XRCC5: variants seen among roughly 807,000 people sequenced by gnomAD.
XRCC5 encodes the protein DNA repair protein Ku80.
A neutral mutation model predicts 95.7 loss-of-function variants in XRCC5; 12 were observed. The observed-to-expected ratio is 0.13, with a 90% CI of 0.08 to 0.20. XRCC5 has a LOEUF of 0.20. XRCC5 is among the 10% of genes least tolerant of loss of function. The pLI, the probability that XRCC5 is intolerant of heterozygous loss-of-function variation, is 1.00. For missense variants in XRCC5, 595 were observed against 873.9 expected (o/e 0.68, Z 4.02); for synonymous variants, 281 against 290.3 (o/e 0.97, Z 0.33).
At chr2:216,173,175 G>T (rs1689203213) in intron 16 of XRCC5, among the ~76,000 whole-genome samples, 1 of 151,972 alleles carries the variant, frequency 6.6e-6, no homozygotes, top group Admixed American at 6.5e-5. Context: ...TGCAAATAAA[G>T]AAAGCTTTAC....
rs770825706 is a variant in XRCC5, at chr2:216,112,996, C to T, written c.22-20C>T. On this transcript the variant is annotated intron_variant, in intron 1 of 20. Transcript: ENST00000392132. The stretch of plus-strand genomic sequence containing the variant: ...CTTACGACTTATTTTCTCAAACACT[C>T]TTTGGAACTTTGTTTCCAGGCAGCT... 2.5e-6 allele frequency: 4 copies of T among 1,593,438 alleles called. No homozygotes were observed. Among genetic ancestry groups the T allele is most frequent in the Admixed American group, 1.7e-5 (1 of 58,766 alleles).
At chr2:216,192,374 A>G (rs908035542) in intron 17 of XRCC5, among the ~76,000 whole-genome samples, 1 of 152,146 alleles carries the variant, frequency 6.6e-6, no homozygotes, top group Non-Finnish European at 1.5e-5. Flanking sequence ...GGGATTTTCT[A>G]CATTAAATGT....
chr2:216,195,789 T>C (rs1574435393), intron 19 of XRCC5, among the ~76,000 whole-genome samples: 1 of 152,206 alleles, frequency 6.6e-6, no homozygotes, highest in African/African-American at 2.4e-5. Flanking sequence ...GTTGAATAGC[T>C]CAAAAGTATA....
At chr2:216,150,734 CAAAAAT>C (rs1688726654) in intron 14 of XRCC5, among the ~76,000 whole-genome samples, 1 of 151,834 alleles carries the variant, frequency 6.6e-6, no homozygotes, top group Non-Finnish European at 1.5e-5. Context: ...ACTAAAAATA[CAAAAAT>C]GAACTGGGCG....
At chr2:216,156,396 TG>T in intron 14 of XRCC5, 1 of 809,368 alleles carries the variant, frequency 1.2e-6, no homozygotes, top group Non-Finnish European at 2.1e-6. Context: ...TTTAAGTGCT[TG>T]GCAACAAGTC....
chr2:216,151,501 C>T (rs1688745109), intron 14 of XRCC5, among the ~76,000 whole-genome samples: 1 of 152,188 alleles, frequency 6.6e-6, no homozygotes, highest in Non-Finnish European at 1.5e-5. Flanking sequence ...GTTAAGACTT[C>T]AGACTCCAGA....
chr2:216,143,345 A>G (rs1335103016), intron 13 of XRCC5, among the ~76,000 whole-genome samples: 2 of 152,222 alleles, frequency 1.3e-5, no homozygotes, highest in Admixed American at 1.3e-4. Flanking sequence ...GCCTTGTGCC[A>G]TTTGTAGGAA....
intron 17 of XRCC5, among the ~76,000 whole-genome samples, chr2:216,192,376 A>T (rs749934878): frequency 6.6e-6 from 1 of 152,176 alleles, no homozygotes; most frequent in Non-Finnish European, 1.5e-5. Flanking sequence ...GATTTTCTAC[A>T]TTAAATGTTA....
chr2:216,122,945 G>T (rs889509540), intron 6 of XRCC5, among the ~76,000 whole-genome samples: 1 of 152,144 alleles, frequency 6.6e-6, no homozygotes, highest in African/African-American at 2.4e-5. Context: ...TTCTTGGTTG[G>T]AATTGGACAT....
intron 14 of XRCC5, among the ~76,000 whole-genome samples, chr2:216,151,284 T>C (rs1688739402): frequency 6.6e-6 from 1 of 152,224 alleles, no homozygotes; most frequent in Non-Finnish European, 1.5e-5. Context: ...TTTATGTTGC[T>C]GTACACCCTT....
intron 7 of XRCC5, among the ~76,000 whole-genome samples, chr2:216,127,204 C>T (rs1425211977): frequency 1.3e-5 from 2 of 152,072 alleles, no homozygotes; most frequent in East Asian, 3.8e-4. Flanking sequence ...TGCACCACTG[C>T]ACTCCAACCT....
intron 14 of XRCC5, chr2:216,156,266 A>C: frequency 1.9e-6 from 1 of 527,068 alleles, no homozygotes; most frequent in South Asian, 1.6e-5. Flanking sequence ...TCCAAGGAGA[A>C]TCAGCATGAC....
At chr2:216,126,135 A>G in intron 7 of XRCC5, 104 bp downstream of exon 7, 3 of 887,196 alleles carry the variant, frequency 3.4e-6, no homozygotes, top group Non-Finnish European at 5.2e-6. Context: ...AACCATAATT[A>G]CTGCTTTTCT....
intron 16 of XRCC5, 124 bp downstream of exon 16, chr2:216,162,172 G>A (rs1574472667): frequency 2.2e-6 from 2 of 927,972 alleles, no homozygotes; most frequent in Non-Finnish European, 3.4e-6. Context: ...GCGGATCTTT[G>A]TGGTTTTCCC....
chr2:216,170,037 CAAAAAAAAAAAAAAAAAAA>C (rs71047982), intron 16 of XRCC5, among the ~76,000 whole-genome samples: 551 of 53,680 alleles, frequency 0.01, 11 homozygotes, highest in African/African-American at 0.028. Context: ...GACTGTGTCT[CAAAAAAAAAAAAAAAAAAA>C]AAAAAAAAAA....
In XRCC5 at chr2:216,141,179, G is replaced by GT. The variant is rs3832119; in HGVS notation, c.1343-4dup. 397 of 1,612,976 alleles carry GT rather than the reference G, an allele frequency of 2.5e-4. 2 individuals carry two copies. The East Asian group carries it at 7.9e-3, about 32-fold the overall frequency. ...TAATCATTTTTCTTTCGGCTTCTCT[G>GT]TTTAAGAGGCACAGTTGAATGCTGT... On this transcript the variant is annotated splice_region_variant and splice_polypyrimidine_tract_variant and intron_variant, in intron 12 of 20. Coordinates refer to ENST00000392132, the MANE Select transcript of XRCC5 (RefSeq NM_021141.4).
rs80207999 is a variant in XRCC5, at chr2:216,136,367, A to AAAAG, written c.1114-718_1114-717insGAAA. 1.7e-4 allele frequency among the ~76,000 whole-genome samples: 24 copies of AAAAG among 143,180 alleles called. 1 individual carries two copies. Among genetic ancestry groups the AAAAG allele is most frequent in the Admixed American group, 2.1e-4 (3 of 14,414 alleles). 93.9% of individuals were successfully genotyped at this position (143,180 alleles called of 152,430 possible). Reference sequence around the variant, plus strand: ...GCGAAACTGTGTCTCAAAAAAAAAAAAAAAGAAATAAAAGAATGTACAGAT... The same window carrying AAAAG: ...GCGAAACTGTGTCTCAAAAAAAAAAAAAAGAAAAGAAATAAAAGAATGTACAGAT... On this transcript the variant is annotated intron_variant, in intron 10 of 20. Transcript: ENST00000392132.
chr2:216,163,169 G>A (rs1022285804), intron 16 of XRCC5, among the ~76,000 whole-genome samples: 5 of 151,198 alleles, frequency 3.3e-5, no homozygotes, highest in Admixed American at 2.6e-4. Context: ...GGGTCTCGCT[G>A]TGTCACCCAG....
At chr2:216,167,949 T>A (rs1689085985) in intron 16 of XRCC5, among the ~76,000 whole-genome samples, 1 of 152,192 alleles carries the variant, frequency 6.6e-6, no homozygotes, top group Non-Finnish European at 1.5e-5. Flanking sequence ...TACTTTGTAT[T>A]TTTATTAAAT....
Sources: gnomAD v4.1 joint callset for allele counts (sites outside exome capture counted in the v4.1 genomes callset) on GRCh38, gnomAD v4.1.1 for gene constraint, MANE v1.5 for transcripts, NCBI Gene and HGNC (gene_info 2026-07-23, HGNC 2026-07-21) for gene names.